VEGFC: variants seen among roughly 807,000 people sequenced by gnomAD.
VEGFC encodes vascular endothelial growth factor C, also known as FLT4 ligand DHM.
VEGFC carries 12 observed loss-of-function variants against 46.1 expected under a neutral mutation model. The ratio of observed to expected loss-of-function variants is 0.26; its 90% CI spans 0.17 to 0.42. VEGFC has a LOEUF of 0.42. VEGFC is among the 10% of genes least tolerant of loss of function. VEGFC has a pLI of 1.00. For missense variants in VEGFC, 488 were observed against 529.4 expected, an observed-to-expected ratio of 0.92 and a Z score of 0.77; for synonymous variants, 232 against 195.5, an observed-to-expected ratio of 1.19 and a Z score of -1.56.
intron 1 of VEGFC, among the ~76,000 whole-genome samples, chr4:176,737,298 G>GTTTATAATATATAAATATAGAATATA (rs1560950545): frequency 2.0e-4 from 29 of 143,764 alleles, no homozygotes; most frequent in Admixed American, 4.2e-4. Flanking sequence ...TATAGAATAT[G>GTTTATAATATATAAATATAGAATATA]TTTATAATAT....
intron 4 of VEGFC, among the ~76,000 whole-genome samples, chr4:176,700,081 C>G (rs1425079730): frequency 1.3e-5 from 2 of 152,154 alleles, no homozygotes; most frequent in Non-Finnish European, 2.9e-5. Context: ...TTTTGCCAGT[C>G]TTAATGTTTG....
At chr4:176,763,293 TA>T (rs1490466306) in intron 1 of VEGFC, among the ~76,000 whole-genome samples, 26 of 152,256 alleles carry the variant, frequency 1.7e-4, no homozygotes, top group Admixed American at 1.7e-3. Context: ...CTATTAATAA[TA>T]AATGCATATT....
At chr4:176,747,238 T>G (rs910328308) in intron 1 of VEGFC, among the ~76,000 whole-genome samples, 2 of 152,066 alleles carry the variant, frequency 1.3e-5, no homozygotes, top group Non-Finnish European at 2.9e-5. Context: ...ATTGAAGGCA[T>G]GAACTGAATA....
At chr4:176,697,272 T>C (rs1214464375) in intron 4 of VEGFC, among the ~76,000 whole-genome samples, 1 of 146,796 alleles carries the variant, frequency 6.8e-6, no homozygotes, top group African/African-American at 2.5e-5. Flanking sequence ...TACAATGAAC[T>C]CAAACAAATT....
chr4:176,745,755 A>G (rs1735249962), intron 1 of VEGFC, among the ~76,000 whole-genome samples: 3 of 152,104 alleles, frequency 2.0e-5, no homozygotes, highest in African/African-American at 4.8e-5. Flanking sequence ...CAGTGAGAAT[A>G]TGGAAAGTCA....
At chr4:176,730,944 A>G (rs1734952763) in intron 1 of VEGFC, among the ~76,000 whole-genome samples, 1 of 152,114 alleles carries the variant, frequency 6.6e-6, no homozygotes. Flanking sequence ...TCAATTATTA[A>G]TATGAAATGT....
intron 1 of VEGFC, among the ~76,000 whole-genome samples, chr4:176,776,002 A>T (rs1435537010): frequency 6.6e-6 from 1 of 152,232 alleles, no homozygotes; most frequent in Non-Finnish European, 1.5e-5. Context: ...ATATAAACAC[A>T]TAACATTTTA....
At chr4:176,780,699 G>C (rs1735900394) in intron 1 of VEGFC, among the ~76,000 whole-genome samples, 2 of 152,100 alleles carry the variant, frequency 1.3e-5, no homozygotes, top group Admixed American at 1.3e-4. Context: ...AAATAGCACA[G>C]AAAAGCAAAA....
At chr4:176,741,957 T>C (rs1382095905) in intron 1 of VEGFC, among the ~76,000 whole-genome samples, 2 of 151,974 alleles carry the variant, frequency 1.3e-5, no homozygotes, top group South Asian at 2.1e-4. Context: ...CCCTAGTTCC[T>C]CTGTTTTTTG....
intron 3 of VEGFC, 23 bp from the exon 4 acceptor site, chr4:176,711,673 A>C (rs750457371): frequency 1.2e-6 from 2 of 1,610,260 alleles, no homozygotes; most frequent in Admixed American, 1.7e-5. Flanking sequence ...GACAAAAAGA[A>C]GAAAAAATTA....
chr4:176,778,736 G>A (rs540009865), intron 1 of VEGFC, among the ~76,000 whole-genome samples: 5 of 152,152 alleles, frequency 3.3e-5, no homozygotes, highest in East Asian at 3.9e-4. Context: ...ATGGCCCGGC[G>A]TCAACCCCTG....
intron 1 of VEGFC, among the ~76,000 whole-genome samples, chr4:176,732,226 T>C (rs763841704): frequency 2.6e-5 from 4 of 151,890 alleles, no homozygotes; most frequent in African/African-American, 9.7e-5. Context: ...GTGAACTGAA[T>C]ATTAACGAAG....
chr4:176,701,795 G>T (rs1378666325), intron 4 of VEGFC, among the ~76,000 whole-genome samples: 6 of 152,146 alleles, frequency 3.9e-5, no homozygotes, highest in African/African-American at 9.7e-5. Flanking sequence ...AATTTCAGGG[G>T]AGACTAAAGA....
intron 3 of VEGFC, among the ~76,000 whole-genome samples, chr4:176,719,310 G>GT (rs35467925): frequency 5.9e-5 from 9 of 151,598 alleles, no homozygotes; most frequent in African/African-American, 2.2e-4. Flanking sequence ...TCTTTTTTTT[G>GT]TTTTTTTTTA....
intron 1 of VEGFC, among the ~76,000 whole-genome samples, chr4:176,768,486 TTATACATATATA>T (rs1735667076): frequency 4.6e-5 from 1 of 21,972 alleles, no homozygotes; most frequent in Admixed American, 8.1e-4. Context: ...AGAGGATGTT[TTATACATATATA>T]TATATATATA....
At chr4:176,703,883 A>G (rs572417331) in intron 4 of VEGFC, among the ~76,000 whole-genome samples, 1 of 152,234 alleles carries the variant, frequency 6.6e-6, no homozygotes, top group East Asian at 1.9e-4. Context: ...GGGGAAATTT[A>G]CTTACCCTTT....
At chr4:176,726,229 G>A (rs1370958589) in intron 3 of VEGFC, among the ~76,000 whole-genome samples, 9 of 151,932 alleles carry the variant, frequency 5.9e-5, no homozygotes, top group African/African-American at 1.7e-4. Context: ...ACATTTTTCT[G>A]GTAAAGTTTC....
chr4:176,691,626 T>A (rs774419508), intron 4 of VEGFC, among the ~76,000 whole-genome samples: 2 of 152,298 alleles, frequency 1.3e-5, no homozygotes, highest in East Asian at 1.9e-4. Flanking sequence ...GTGACAAAAA[T>A]ATGAGTATAT....
At chr4:176,711,421 T>C (rs1734617301) in intron 4 of VEGFC, 78 bp downstream of exon 4, 11 of 1,460,344 alleles carry the variant, frequency 7.5e-6, no homozygotes, top group South Asian at 2.9e-5. Flanking sequence ...CAGAGGTTAT[T>C]TGTTTAACTT....
Sources: gnomAD v4.1 joint callset for allele counts (sites outside exome capture counted in the v4.1 genomes callset) on GRCh38, gnomAD v4.1.1 for gene constraint, MANE v1.5 for transcripts, NCBI Gene and HGNC (gene_info 2026-07-23, HGNC 2026-07-21) for gene names.